Variants in CCDC178 observed in about 807,000 individuals in gnomAD.
CCDC178 encodes coiled-coil domain containing 178, also known as coiled-coil domain-containing protein 178.
CCDC178 carries 126 observed loss-of-function variants against 117.4 expected under a neutral mutation model. The ratio of observed to expected loss-of-function variants is 1.07; its 90% CI spans 0.93 to 1.24. The LOEUF (loss-of-function observed/expected upper bound fraction) is 1.24, where lower values mean the gene tolerates loss of function less well. Among genes scored for constraint, CCDC178 ranks in the 50% most tolerant of loss-of-function variants. CCDC178 has a pLI of 0.00. For synonymous variants in CCDC178, 283 were observed against 313.4 expected, an observed-to-expected ratio of 0.90 and a Z score of 1.02; for missense variants, 1,030 against 986.9, an observed-to-expected ratio of 1.04 and a Z score of -0.59.
chr18:32,959,227 G>C (rs2054655312), intron 22 of CCDC178, among the ~76,000 whole-genome samples: 1 of 152,136 alleles, frequency 6.6e-6, no homozygotes, highest in Admixed American at 6.6e-5. Context: ...GAGTTTTCAA[G>C]TCAAGGTTTG....
At chr18:33,336,290 T>C (rs2062739673) in intron 9 of CCDC178, among the ~76,000 whole-genome samples, 1 of 152,056 alleles carries the variant, frequency 6.6e-6, no homozygotes. Context: ...TCACTCTGGG[T>C]GAGACTTAAG....
intron 14 of CCDC178, among the ~76,000 whole-genome samples, chr18:33,262,964 T>G (rs770573152): frequency 1.3e-5 from 2 of 152,152 alleles, no homozygotes; most frequent in Non-Finnish European, 2.9e-5. Context: ...GAAAGCCACT[T>G]TGCACCTTAG....
intron 20 of CCDC178, among the ~76,000 whole-genome samples, chr18:33,120,577 A>G (rs1327151134): frequency 6.6e-6 from 1 of 152,184 alleles, no homozygotes; most frequent in Non-Finnish European, 1.5e-5. Flanking sequence ...ACCCACCTGG[A>G]AAAGAACCAT....
chr18:32,953,324 G>C (rs1440612819), intron 22 of CCDC178, among the ~76,000 whole-genome samples: 1 of 152,056 alleles, frequency 6.6e-6, no homozygotes, highest in African/African-American at 2.4e-5. Context: ...TCAGCATTTT[G>C]GTCCAAGCCA....
intron 21 of CCDC178, among the ~76,000 whole-genome samples, chr18:33,034,457 T>G (rs1056664471): frequency 3.3e-5 from 5 of 152,168 alleles, no homozygotes; most frequent in African/African-American, 9.6e-5. Flanking sequence ...CAAATTGGGT[T>G]AGTGACATTC....
chr18:33,249,482 C>G (rs377364387), intron 14 of CCDC178, among the ~76,000 whole-genome samples: 1 of 151,780 alleles, frequency 6.6e-6, no homozygotes, highest in Non-Finnish European at 1.5e-5. Context: ...AGCTTTCTAC[C>G]TATGGCTAGC....
intron 21 of CCDC178, among the ~76,000 whole-genome samples, chr18:33,027,519 G>C (rs960867901): frequency 4.0e-5 from 6 of 151,462 alleles, no homozygotes; most frequent in African/African-American, 1.5e-4. Context: ...TAAGAAAATA[G>C]AAAGTGAGAT....
intron 11 of CCDC178, among the ~76,000 whole-genome samples, chr18:33,321,587 A>G (rs1221132953): frequency 6.6e-6 from 1 of 152,102 alleles, no homozygotes; most frequent in African/African-American, 2.4e-5. Context: ...TTTCATTGTC[A>G]GCAGGATAAC....
At chr18:33,158,968 A>G (rs972431960) in intron 20 of CCDC178, among the ~76,000 whole-genome samples, 2 of 152,086 alleles carry the variant, frequency 1.3e-5, no homozygotes, top group African/African-American at 4.8e-5. Flanking sequence ...GACAGTATTT[A>G]CTCTTATAAT....
chr18:33,340,575 G>A (rs2062804049), intron 9 of CCDC178, among the ~76,000 whole-genome samples: 1 of 152,148 alleles, frequency 6.6e-6, no homozygotes, highest in East Asian at 1.9e-4. Flanking sequence ...AAGAAAAAGT[G>A]GTTCTGTGGG....
chr18:33,096,122 C>G (rs933004717), intron 20 of CCDC178, among the ~76,000 whole-genome samples: 6 of 150,858 alleles, frequency 4.0e-5, no homozygotes, highest in East Asian at 2.0e-4. Flanking sequence ...CCCCACCCCC[C>G]CCACTTGACT....
At chr18:32,995,169 C>T (rs1236858401) in intron 21 of CCDC178, among the ~76,000 whole-genome samples, 1 of 151,992 alleles carries the variant, frequency 6.6e-6, no homozygotes, top group African/African-American at 2.4e-5. Flanking sequence ...TAAATGCGAT[C>T]GCTTATCAAT....
At position 33,420,859 on chromosome 18, in the gene CCDC178, G is replaced by C. The variant is rs115899033; in HGVS notation, c.-22-8749C>G. On this transcript the variant is annotated intron_variant, in intron 2 of 22. Transcript: ENST00000383096. ...TAAAGGAAAAGCAAAAAGATAGCTA[G>C]AAAATCCTCATGCTTGTGGAAATTA... is the stretch of plus-strand genomic sequence containing the variant. Among the ~76,000 whole-genome samples, 1,034 of 152,170 alleles carry C rather than the reference G, an allele frequency of 6.8e-3. 9 individuals are homozygous for C. Among genetic ancestry groups the C allele is most frequent in the African/African-American group, 0.024 (981 of 41,518 alleles).
intron 18 of CCDC178, among the ~76,000 whole-genome samples, chr18:33,217,284 A>C (rs1341278674): frequency 1.3e-5 from 2 of 151,956 alleles, no homozygotes; most frequent in Non-Finnish European, 2.9e-5. Flanking sequence ...TTATTGGTAG[A>C]GTTTGGACAA....
chr18:32,998,995 A>G (rs912282938), intron 21 of CCDC178, among the ~76,000 whole-genome samples: 4 of 152,118 alleles, frequency 2.6e-5, no homozygotes, highest in African/African-American at 9.7e-5. Flanking sequence ...CTTAGGTAGC[A>G]TCTTGGCCAC....
At chr18:33,260,180 T>C (rs913746510) in intron 14 of CCDC178, among the ~76,000 whole-genome samples, 2 of 152,114 alleles carry the variant, frequency 1.3e-5, no homozygotes, top group African/African-American at 4.8e-5. Context: ...CAAGATCATA[T>C]AGTATATACA....
intron 5 of CCDC178, among the ~76,000 whole-genome samples, chr18:33,370,755 C>T (rs114815665): frequency 0.013 from 1,948 of 151,978 alleles, 35 homozygotes; most frequent in African/African-American, 0.044. Flanking sequence ...GAGTCTCATA[C>T]GAAGAGTGAT....
At chr18:33,154,789 A>G (rs542628516) in intron 20 of CCDC178, among the ~76,000 whole-genome samples, 27 of 152,278 alleles carry the variant, frequency 1.8e-4, no homozygotes, top group African/African-American at 6.0e-4. Flanking sequence ...GACATGGAAT[A>G]TTATCAGTGA....
At chr18:33,083,263 GC>G (rs1876170372) in intron 21 of CCDC178, among the ~76,000 whole-genome samples, 1 of 152,128 alleles carries the variant, frequency 6.6e-6, no homozygotes, top group Admixed American at 6.5e-5. Context: ...AGGCAGTCTG[GC>G]CCCATGCTAC....
Sources: gnomAD v4.1 joint callset for allele counts (sites outside exome capture counted in the v4.1 genomes callset) on GRCh38, gnomAD v4.1.1 for gene constraint, MANE v1.5 for transcripts, NCBI Gene and HGNC (gene_info 2026-07-23, HGNC 2026-07-21) for gene names.